Variants in TXLNA observed in about 807,000 individuals in gnomAD.
TXLNA encodes the protein alpha-taxilin.
Under a neutral mutation model 61.4 loss-of-function variants are expected in TXLNA, and 9 were observed. The observed-to-expected ratio is 0.15, with a 90% CI of 0.09 to 0.26. TXLNA has a LOEUF of 0.26. Ranked by LOEUF, TXLNA falls within the 10% of genes least tolerant of loss-of-function variation. TXLNA has a pLI of 1.00. For synonymous variants in TXLNA, 257 were observed against 267.7 expected (o/e 0.96, Z 0.39); for missense variants, 565 against 688.8 (o/e 0.82, Z 2.01).
chr1:32,180,023 C>G (rs1438228271), intron 1 of TXLNA: 1 of 205,902 alleles, frequency 4.9e-6, no homozygotes, highest in South Asian at 9.3e-5. Context: ...GTCTCCGGCC[C>G]TGAGCCAATC....
Position 32,184,542 on chromosome 1 carries a change from C to T in TXLNA, c.523C>T (p.Leu175=). ...AKGLGKEITL[L]MQTLNTLSTP... is the part of the protein sequence containing the mutation. The stretch of plus-strand genomic sequence containing the variant: ...CTTTTCAGGGAAGGAGATCACGTTG[C>T]TGATGCAGACATTGAATACTCTGAG... The change falls in exon 4 of 11, where the codon CTG becomes TTG. Residue 175 remains leucine, a synonymous_variant. Transcript: ENST00000373610. The T allele has an allele frequency of 6.2e-7, 1 of 1,613,360 alleles. No individual in the cohort carries two copies. The highest frequency in any genetic ancestry group is 8.5e-7 in the Non-Finnish European group (1 of 1,179,318).
chr1:32,190,475 G>A (rs1475569287), intron 6 of TXLNA, among the ~76,000 whole-genome samples: 1 of 152,168 alleles, frequency 6.6e-6, no homozygotes, highest in Non-Finnish European at 1.5e-5. Flanking sequence ...TGTCCCAAAT[G>A]ACTGGGCCAG....
intron 3 of TXLNA, among the ~76,000 whole-genome samples, chr1:32,183,127 C>T (rs1170921857): frequency 6.6e-6 from 1 of 151,572 alleles, no homozygotes; most frequent in African/African-American, 2.4e-5. Flanking sequence ...TCTTCTTCAC[C>T]CCCCACCCCC....
At chr1:32,187,324 T>G (rs1055331065) in intron 4 of TXLNA, among the ~76,000 whole-genome samples, 43 of 152,368 alleles carry the variant, frequency 2.8e-4, no homozygotes, top group African/African-American at 1.0e-3. Context: ...TAGAATATTT[T>G]TAATTACTTA....
rs775002024 is a variant in TXLNA, at chr1:32,190,078, G to A, written c.792G>A (p.Arg264=). 12 of 1,575,204 alleles carry A rather than the reference G, an allele frequency of 7.6e-6. No individual in the cohort carries two copies. The highest frequency in any genetic ancestry group is 7.4e-5 in the Admixed American group (4 of 54,180). The change falls in exon 6 of 11, where the codon CGG becomes CGA. Residue 264 remains arginine (R), a synonymous_variant. Coordinates refer to ENST00000373610, the MANE Select transcript of TXLNA (RefSeq NM_175852.4). The stretch of plus-strand genomic sequence containing the variant: ...AGGAAGAAGGTGTGCAGCGGGCCCG[G>A]GAGGAGGAGGAGAAGCGCAAGGAGG... The part of the protein sequence containing the change: ...SLKEEGVQRA[R]EEEEKRKEVT...
Position 32,181,250 on chromosome 1 carries a change from G to A in TXLNA, c.178G>A (p.Ala60Thr), listed in dbSNP as rs200741866. 2 of 1,588,630 alleles carry A rather than the reference G, an allele frequency of 1.3e-6. No individual in the cohort carries two copies. The highest frequency in any genetic ancestry group is 4.5e-5 in the East Asian group (2 of 44,476). Reference protein sequence around the residue: ...QAPRKPEGAQARTAQSGALRD... With the variant: ...QAPRKPEGAQTRTAQSGALRD... Reference sequence around the variant, plus strand: ...ATCCTCTCCTGCTGTAGGGGCTCAAGCCAGAACGGCTCAGTCTGGGGCCCT... The same window carrying A: ...ATCCTCTCCTGCTGTAGGGGCTCAAACCAGAACGGCTCAGTCTGGGGCCCT... The change falls in exon 3 of 11, where the codon GCC becomes ACC. Residue 60 changes from alanine (A) to threonine (T), a missense_variant. Transcript: ENST00000373610.
Position 32,180,319 on chromosome 1 carries a change from TCTC to T in TXLNA, c.-24_-22del. Reference sequence around the variant, plus strand: ...AACTGTGTTTGTTTCTAAAGGATCTTCTCCTGACCCAGCATCGCTCATCACAAT... The same window carrying T: ...AACTGTGTTTGTTTCTAAAGGATCTTCTGACCCAGCATCGCTCATCACAAT... On this transcript the variant is annotated 5_prime_UTR_variant, in exon 2 of 11. Transcript: ENST00000373610. 2 of 1,584,610 alleles carry T rather than the reference TCTC, an allele frequency of 1.3e-6. No individual in the cohort carries two copies. Among genetic ancestry groups the T allele is most frequent in the South Asian group, 1.1e-5 (1 of 87,432 alleles).
At position 32,193,526 on chromosome 1, in the gene TXLNA, T is replaced by TTTGTTGTTGTTG. The variant is rs373486404; in HGVS notation, c.1251+247_1251+258dup. Among the ~76,000 whole-genome samples the TTTGTTGTTGTTG allele has an allele frequency of 2.5e-3, 372 of 148,932 alleles. 4 individuals carry two copies. The highest frequency in any genetic ancestry group is 8.6e-3 in the African/African-American group (348 of 40,452). ...CTGTTTGTTTGGTTTTTTTGGGGGG[T>TTTGTTGTTGTTG]TTGTTGTTGTTGTTGTTGTTGTTGT... On this transcript the variant is annotated intron_variant, in intron 9 of 10. Coordinates refer to ENST00000373610, the MANE Select transcript of TXLNA (RefSeq NM_175852.4).
Position 32,194,914 on chromosome 1 carries a change from G to T in TXLNA, c.1360G>T (p.Asp454Tyr). The T allele has an allele frequency of 6.2e-7, 1 of 1,611,498 alleles. No homozygotes were observed. Among genetic ancestry groups the T allele is most frequent in the Non-Finnish European group, 8.5e-7 (1 of 1,178,834 alleles). ...LEMAEEKTVR[D>Y]KELEGLQVKI... ...TTTCTTTCCCTAGAAAACAGTCCGGGATAAAGAACTGGAGGGCCTGCAGGT... is the reference window on the plus strand; with the variant it reads ...TTTCTTTCCCTAGAAAACAGTCCGGTATAAAGAACTGGAGGGCCTGCAGGT... Residue 454 changes from aspartate (D) to tyrosine (Y), a missense_variant, in exon 11 of 11, where the codon GAT (aspartate) becomes TAT (tyrosine). By Grantham distance (160) the Asp-to-Tyr change is radical. Transcript: ENST00000373610.
chr1:32,185,083 TC>T (rs1364434449), intron 4 of TXLNA, among the ~76,000 whole-genome samples: 3 of 152,272 alleles, frequency 2.0e-5, no homozygotes, highest in Non-Finnish European at 4.4e-5. Context: ...TCTAGCTTTG[TC>T]ATCTCTGTGG....
intron 4 of TXLNA, among the ~76,000 whole-genome samples, chr1:32,185,470 G>A (rs896505485): frequency 6.6e-6 from 1 of 151,772 alleles, no homozygotes; most frequent in African/African-American, 2.4e-5. Context: ...TCGGCTCGCT[G>A]CAAGCTCCGC....
intron 5 of TXLNA, among the ~76,000 whole-genome samples, chr1:32,188,575 T>C (rs1237630189): frequency 1.3e-5 from 2 of 151,830 alleles, no homozygotes; most frequent in African/African-American, 4.8e-5. Context: ...GAGGCTGAGG[T>C]TGCAGTGAGC....
chr1:32,185,538 G>A (rs1165703420), intron 4 of TXLNA, among the ~76,000 whole-genome samples: 12 of 148,860 alleles, frequency 8.1e-5, no homozygotes, highest in East Asian at 2.0e-4. Flanking sequence ...GTCTACAGGC[G>A]CCCGCCACCA....
chr1:32,194,345 G>C (rs565744204), intron 10 of TXLNA, among the ~76,000 whole-genome samples, 185 bp downstream of exon 10: 2 of 152,308 alleles, frequency 1.3e-5, no homozygotes, highest in South Asian at 4.1e-4. Context: ...CCAGTGGTAG[G>C]TCTCCAGTGG....
At chr1:32,188,836 C>T (rs1338401656) in intron 5 of TXLNA, among the ~76,000 whole-genome samples, 1 of 152,242 alleles carries the variant, frequency 6.6e-6, no homozygotes, top group Non-Finnish European at 1.5e-5. Context: ...GGAGGCCTGG[C>T]TCTGACAAGC....
At chr1:32,181,119 C>A in intron 2 of TXLNA, 123 bp from the exon 3 acceptor site, 1 of 732,598 alleles carries the variant, frequency 1.4e-6, no homozygotes, top group South Asian at 3.3e-5. Context: ...TCTCAGTTTC[C>A]ATAAAAAAAA....
chr1:32,182,757 A>C (rs558114863), intron 3 of TXLNA, among the ~76,000 whole-genome samples: 1 of 151,870 alleles, frequency 6.6e-6, no homozygotes, highest in African/African-American at 2.4e-5. Flanking sequence ...CTCTTACTTT[A>C]AAGAGGAACT....
Position 32,190,113 on chromosome 1 carries a change from A to G in TXLNA, c.827A>G (p.His276Arg). The G allele has an allele frequency of 2.5e-6, 4 of 1,594,158 alleles. No individual in the cohort carries two copies. The highest frequency in any genetic ancestry group is 2.6e-6 in the Non-Finnish European group (3 of 1,170,538). The change falls in exon 6 of 11, where the codon CAC becomes CGC. Residue 276 changes from histidine to arginine, a missense_variant. Transcript: ENST00000373610. ...GAGAAGCGCAAGGAGGTGACCTCGCACTTCCAGGTGACACTGAATGACATT... is the reference window on the plus strand; with the variant it reads ...GAGAAGCGCAAGGAGGTGACCTCGCGCTTCCAGGTGACACTGAATGACATT... ...EEEKRKEVTS[H>R]FQVTLNDIQL...
At chr1:32,189,309 T>G (rs974621370) in intron 5 of TXLNA, among the ~76,000 whole-genome samples, 1 of 152,190 alleles carries the variant, frequency 6.6e-6, no homozygotes, top group African/African-American at 2.4e-5. Context: ...CTGGATTGCC[T>G]TCCAGTGAGG....
Sources: gnomAD v4.1 joint callset for allele counts (sites outside exome capture counted in the v4.1 genomes callset) on GRCh38, gnomAD v4.1.1 for gene constraint, MANE v1.5 for transcripts, NCBI Gene and HGNC (gene_info 2026-07-23, HGNC 2026-07-21) for gene names.